The following GYPC variants were observed in gnomAD, a reference collection of about 807,000 sequenced individuals.
GYPC encodes glycophorin-C.
Under a neutral mutation model 12.6 loss-of-function variants are expected in GYPC, and 14 were observed. The observed-to-expected ratio is 1.11, with a 90% CI of 0.74 to 1.74. The LOEUF is 1.74. GYPC is among the 40% of genes most tolerant of loss of function. GYPC has a pLI of 0.00. For missense variants in GYPC, 225 were observed against 172.1 expected, an observed-to-expected ratio of 1.31 and a Z score of -1.72; for synonymous variants, 78 against 62.1, an observed-to-expected ratio of 1.26 and a Z score of -1.20.
Position 126,696,534 on chromosome 2 carries a change from C to T in GYPC, c.*392C>T. On this transcript the variant is annotated 3_prime_UTR_variant, in exon 4 of 4. Coordinates refer to ENST00000259254, the MANE Select transcript of GYPC (RefSeq NM_002101.5). ...AGCAAGGAAATAAGTCATCTGTATG[C>T]TGACTGGGGATAATGGCATCAAATG... 3.1e-6 allele frequency: 1 copy of T among 324,734 alleles called. No homozygotes were observed. 20.1% of individuals were successfully genotyped at this position (324,734 alleles called of 1,614,324 possible).
chr2:126,664,871 T>C (rs1390680216), intron 1 of GYPC, among the ~76,000 whole-genome samples: 3 of 152,316 alleles, frequency 2.0e-5, no homozygotes, highest in Admixed American at 2.0e-4. Flanking sequence ...AGGGGCAGCC[T>C]CTACCTCTCC....
chr2:126,680,020 C>T (rs17014139), intron 1 of GYPC: 24,401 of 152,108 alleles, frequency 0.16, 2,549 homozygotes, highest in East Asian at 0.42. Flanking sequence ...TACCTCTTTA[C>T]GGTGTTTCCT....
chr2:126,672,468 C>T (rs1231589822), intron 1 of GYPC, among the ~76,000 whole-genome samples: 2 of 152,180 alleles, frequency 1.3e-5, no homozygotes, highest in East Asian at 1.9e-4. Flanking sequence ...CTTTCAGAGC[C>T]TGTCTGAAAT....
intron 1 of GYPC, 71 bp from the exon 2 acceptor site, chr2:126,690,184 C>A: frequency 8.8e-7 from 1 of 1,137,120 alleles, no homozygotes; most frequent in Non-Finnish European, 1.3e-6. Flanking sequence ...AAGGATGCAG[C>A]TTGGGCCAAG....
At chr2:126,660,844 G>T (rs1682516609) in intron 1 of GYPC, among the ~76,000 whole-genome samples, 1 of 152,126 alleles carries the variant, frequency 6.6e-6, no homozygotes. Context: ...AGGCACAGTT[G>T]TTGGGCCCCA....
intron 1 of GYPC, among the ~76,000 whole-genome samples, chr2:126,664,852 G>A (rs1345237937): frequency 6.6e-6 from 1 of 152,114 alleles, no homozygotes; most frequent in Non-Finnish European, 1.5e-5. Flanking sequence ...CCCTGGGCTG[G>A]GCATCTGCAG....
chr2:126,686,564 C>A, intron 1 of GYPC: 2 of 984,072 alleles, frequency 2.0e-6, no homozygotes, highest in Non-Finnish European at 2.4e-6. Context: ...CAGCAGTTGT[C>A]ATTCAGTGCC....
chr2:126,688,964 T>C (rs1427118464), intron 1 of GYPC, among the ~76,000 whole-genome samples: 2 of 152,240 alleles, frequency 1.3e-5, no homozygotes, highest in African/African-American at 2.4e-5. Context: ...CTGATATTTC[T>C]GTGATCCAAT....
At chr2:126,695,479 G>A (rs1027361745) in intron 3 of GYPC, among the ~76,000 whole-genome samples, 6 of 152,190 alleles carry the variant, frequency 3.9e-5, no homozygotes, top group Non-Finnish European at 8.8e-5. Flanking sequence ...GGCCTGTTTG[G>A]TGTTGGTACA....
At chr2:126,679,127 G>A (rs1683090849) in intron 1 of GYPC, among the ~76,000 whole-genome samples, 1 of 152,242 alleles carries the variant, frequency 6.6e-6, no homozygotes, top group Admixed American at 6.5e-5. Flanking sequence ...CTCCAGAGAA[G>A]TGGTAAAGAT....
intron 3 of GYPC, among the ~76,000 whole-genome samples, chr2:126,694,228 A>T (rs1683574039): frequency 6.6e-6 from 1 of 152,084 alleles, no homozygotes; most frequent in Non-Finnish European, 1.5e-5. Flanking sequence ...TTGGTGAAGG[A>T]GGTTGAGGGT....
intron 2 of GYPC, among the ~76,000 whole-genome samples, chr2:126,691,366 T>C (rs578165455): frequency 2.0e-5 from 3 of 151,110 alleles, no homozygotes; most frequent in South Asian, 2.1e-4. Context: ...CCCTCTGGAG[T>C]CCCAGCAGAA....
intron 2 of GYPC, among the ~76,000 whole-genome samples, chr2:126,691,073 A>T (rs566653596): frequency 3.4e-4 from 52 of 152,056 alleles, no homozygotes; most frequent in Middle Eastern, 6.8e-3. Flanking sequence ...TATTAACATT[A>T]TGCAGATACA....
At chr2:126,663,663 C>G (rs1052899812) in intron 1 of GYPC, among the ~76,000 whole-genome samples, 1 of 152,200 alleles carries the variant, frequency 6.6e-6, no homozygotes, top group Non-Finnish European at 1.5e-5. Context: ...TGTAGGCAAA[C>G]AAGGTCTGCA....
At chr2:126,664,120 A>G (rs1258201321) in intron 1 of GYPC, among the ~76,000 whole-genome samples, 1 of 152,082 alleles carries the variant, frequency 6.6e-6, no homozygotes, top group Non-Finnish European at 1.5e-5. Context: ...CTTTCCTTCA[A>G]CTTCGGCAAA....
At chr2:126,657,736 C>G (rs1286146272) in intron 1 of GYPC, 2 of 152,380 alleles carry the variant, frequency 1.3e-5, no homozygotes, top group African/African-American at 4.8e-5. Context: ...CCCAGCCCAG[C>G]CCAGCAGCCC....
chr2:126,664,486 G>C (rs1335571903), intron 1 of GYPC, among the ~76,000 whole-genome samples: 3 of 152,188 alleles, frequency 2.0e-5, no homozygotes, highest in Non-Finnish European at 4.4e-5. Flanking sequence ...CCTGACCCCA[G>C]ACGCAGTGCT....
chr2:126,678,786 C>T (rs1480611093), intron 1 of GYPC: 1 of 152,310 alleles, frequency 6.6e-6, no homozygotes, highest in Non-Finnish European at 1.5e-5. Flanking sequence ...TAGCCACGAA[C>T]CTCCTCCTTG....
chr2:126,693,891 C>G lies in GYPC; in HGVS notation c.134C>G (p.Pro45Arg), dbSNP rs139780142. ...CCTGATCCAGGGATGTCTGGATGGC[C>G]GGATGGCAGAATGGAGACCTCCACC... ...AEPDPGMSGWPDGRMETSTPT... is the reference protein window; with the variant it reads ...AEPDPGMSGWRDGRMETSTPT... Residue 45 changes from proline (P) to arginine (R), a missense_variant, in exon 3 of 4, where the codon CCG (proline) becomes CGG (arginine). Physicochemically the swap from Pro to Arg is moderately radical, Grantham distance 103. Coordinates refer to ENST00000259254, the MANE Select transcript of GYPC (RefSeq NM_002101.5). The G allele has an allele frequency of 3.3e-5, 54 of 1,611,950 alleles. No individual in the cohort carries two copies. Among genetic ancestry groups the G allele is most frequent in the Non-Finnish European group, 4.2e-5 (50 of 1,178,194 alleles).
Sources: gnomAD v4.1 joint callset for allele counts (sites outside exome capture counted in the v4.1 genomes callset) on GRCh38, gnomAD v4.1.1 for gene constraint, MANE v1.5 for transcripts, NCBI Gene and HGNC (gene_info 2026-07-23, HGNC 2026-07-21) for gene names.